The following MEF2C variants were observed in gnomAD, a reference collection of about 807,000 sequenced individuals.
The protein encoded by MEF2C is myocyte enhancer factor 2C.
In MEF2C, 6 loss-of-function variants were observed where a neutral mutation model predicts 50.5. That is an observed-to-expected ratio of 0.12 (90% confidence interval 0.07 to 0.23). MEF2C has a LOEUF of 0.23. Among genes scored for constraint, MEF2C ranks in the 10% least tolerant of loss-of-function variants. The pLI, the probability that MEF2C is intolerant of heterozygous loss-of-function variation, is 1.00. For synonymous variants in MEF2C, 183 were observed against 228.0 expected (o/e 0.80, Z 1.78); for missense variants, 276 against 605.0 (o/e 0.46, Z 5.70).
intron 1 of MEF2C, among the ~76,000 whole-genome samples, chr5:88,856,257 A>T (rs2153406644): frequency 6.6e-6 from 1 of 152,352 alleles, no homozygotes; most frequent in Non-Finnish European, 1.5e-5. Flanking sequence ...TCTAAGCAGC[A>T]AAGTGTTCAA....
chr5:88,828,901 TTCTC>T (rs1208635608), intron 1 of MEF2C, among the ~76,000 whole-genome samples: 1 of 151,976 alleles, frequency 6.6e-6, no homozygotes, highest in African/African-American at 2.4e-5. Flanking sequence ...GTTGCTCCAT[TTCTC>T]TCTAAGCTTA....
chr5:88,869,264 T>C (rs955160927), intron 1 of MEF2C, among the ~76,000 whole-genome samples: 8 of 72,764 alleles, frequency 1.1e-4, no homozygotes, highest in Admixed American at 6.6e-4. Context: ...TATATATATA[T>C]ATATATATAT....
intron 1 of MEF2C, among the ~76,000 whole-genome samples, chr5:88,836,184 A>C (rs1000202288): frequency 3.3e-5 from 5 of 152,190 alleles, no homozygotes; most frequent in African/African-American, 1.2e-4. Context: ...CTACAAAAGA[A>C]ACATAAATCT....
At chr5:88,822,147 T>C (rs1254784063) in intron 2 of MEF2C, among the ~76,000 whole-genome samples, 1 of 151,976 alleles carries the variant, frequency 6.6e-6, no homozygotes, top group Non-Finnish European at 1.5e-5. Context: ...AAAAATTTTC[T>C]TCTAACTTTG....
intron 4 of MEF2C, among the ~76,000 whole-genome samples, 196 bp from the exon 5 acceptor site, chr5:88,752,239 G>A (rs1267389382): frequency 6.6e-6 from 1 of 152,150 alleles, no homozygotes; most frequent in Non-Finnish European, 1.5e-5. Context: ...CTCCTTCTTT[G>A]CAACCATTAA....
At chr5:88,738,841 T>C (rs1388593718) in intron 6 of MEF2C, 7 of 985,168 alleles carry the variant, frequency 7.1e-6, no homozygotes, top group Non-Finnish European at 8.4e-6. Flanking sequence ...AGGCACAGAA[T>C]GGTGATGTTC....
intron 4 of MEF2C, among the ~76,000 whole-genome samples, chr5:88,759,786 A>C (rs1317369666): frequency 6.6e-6 from 1 of 152,252 alleles, no homozygotes; most frequent in Admixed American, 6.5e-5. Context: ...TTAACAAAAG[A>C]AGCAGATAGG....
At chr5:88,802,731 G>A (rs1251212448) in intron 3 of MEF2C, among the ~76,000 whole-genome samples, 1 of 152,158 alleles carries the variant, frequency 6.6e-6, no homozygotes. Flanking sequence ...TTATAGGTGT[G>A]AGCCACCACA....
At position 88,747,570 on chromosome 5, in the gene MEF2C, C is replaced by T. The variant is rs1376775821; in HGVS notation, c.637+1500G>A. Among the ~76,000 whole-genome samples, 2 of 98,842 alleles carry T rather than the reference C, an allele frequency of 2.0e-5. 1 individual carries two copies. Among genetic ancestry groups the T allele is most frequent in the South Asian group, 7.2e-4 (2 of 2,786 alleles). 64.8% of individuals were successfully genotyped at this position (98,842 alleles called of 152,430 possible). The stretch of plus-strand genomic sequence containing the variant: ...TTCACCGTTTTAGCCGGGATGGTCT[C>T]GATCTCCTGACCTCGTGATCCGCCC... On this transcript the variant is annotated intron_variant, in intron 6 of 10. Transcript: ENST00000504921.
intron 1 of MEF2C, among the ~76,000 whole-genome samples, chr5:88,888,603 CCAG>C (rs1834221476): frequency 1.3e-5 from 2 of 152,230 alleles, no homozygotes; most frequent in Admixed American, 1.3e-4. Flanking sequence ...TCTCTTTCTT[CCAG>C]TTGTGCTTCA....
chr5:88,824,810 T>A (rs1810100010), intron 1 of MEF2C: 2 of 151,882 alleles, frequency 1.3e-5, no homozygotes, highest in South Asian at 4.1e-4. Flanking sequence ...GGTCAGGAAT[T>A]AAAATTAGAG....
chr5:88,759,165 A>G (rs756259431), intron 4 of MEF2C, among the ~76,000 whole-genome samples: 49 of 152,228 alleles, frequency 3.2e-4, no homozygotes, highest in Non-Finnish European at 5.7e-4. Flanking sequence ...ATAGCAAGAT[A>G]AACTCAGATC....
At chr5:88,831,695 CTA>C (rs1201256114) in intron 1 of MEF2C, among the ~76,000 whole-genome samples, 1 of 151,984 alleles carries the variant, frequency 6.6e-6, no homozygotes, top group East Asian at 1.9e-4. Flanking sequence ...TGCTATAATA[CTA>C]TCTCTCAAAA....
At chr5:88,864,549 A>C (rs1826623608) in intron 1 of MEF2C, among the ~76,000 whole-genome samples, 1 of 150,932 alleles carries the variant, frequency 6.6e-6, no homozygotes, top group Non-Finnish European at 1.5e-5. Context: ...CATAAATATA[A>C]ATATGCATAT....
At chr5:88,747,069 T>A (rs937886744) in intron 6 of MEF2C, among the ~76,000 whole-genome samples, 1 of 152,334 alleles carries the variant, frequency 6.6e-6, no homozygotes, top group African/African-American at 2.4e-5. Flanking sequence ...GCTAAGTGCA[T>A]AAGATTTTGT....
At chr5:88,866,673 A>G (rs1330097341) in intron 1 of MEF2C, among the ~76,000 whole-genome samples, 1 of 152,184 alleles carries the variant, frequency 6.6e-6, no homozygotes, top group African/African-American at 2.4e-5. Flanking sequence ...AATATTTCTT[A>G]TTTTCAAATA....
intron 1 of MEF2C, chr5:88,839,173 C>T (rs1485912413): frequency 6.6e-6 from 1 of 152,012 alleles, no homozygotes; most frequent in Admixed American, 6.6e-5. Flanking sequence ...GACTTTTTTC[C>T]TACTTTCATA....
At chr5:88,840,998 T>C (rs1817132239) in intron 1 of MEF2C, among the ~76,000 whole-genome samples, 1 of 152,208 alleles carries the variant, frequency 6.6e-6, no homozygotes, top group Non-Finnish European at 1.5e-5. Context: ...CGCCCTGAAC[T>C]TTTAAAGATA....
intron 1 of MEF2C, among the ~76,000 whole-genome samples, chr5:88,863,281 CAG>C (rs1348371296): frequency 3.3e-5 from 5 of 152,218 alleles, no homozygotes; most frequent in Non-Finnish European, 7.3e-5. Context: ...TCCTCAACAA[CAG>C]AGTTTCCATC....
Sources: gnomAD v4.1 joint callset for allele counts (sites outside exome capture counted in the v4.1 genomes callset) on GRCh38, gnomAD v4.1.1 for gene constraint, MANE v1.5 for transcripts, NCBI Gene and HGNC (gene_info 2026-07-23, HGNC 2026-07-21) for gene names.